Variants in LCT observed in about 807,000 individuals in gnomAD.
LCT encodes lactase/phlorizin hydrolase.
In LCT, 90 loss-of-function variants were observed where a neutral mutation model predicts 173.0. That is an observed-to-expected ratio of 0.52 (90% confidence interval 0.44 to 0.62). The LOEUF (loss-of-function observed/expected upper bound fraction) is 0.62, where lower values mean the gene tolerates loss of function less well. Among genes scored for constraint, LCT ranks in the 20% least tolerant of loss-of-function variants. The probability of loss-of-function intolerance (pLI) is 0.00; values close to 1 mark genes in which losing one functional copy is unlikely to be tolerated. For missense variants in LCT, 1,864 were observed against 2,431.4 expected (o/e 0.77, Z 4.91); for synonymous variants, 853 against 957.6 (o/e 0.89, Z 2.02).
intron 3 of LCT, among the ~76,000 whole-genome samples, chr2:135,824,321 AC>A (rs1243512858): frequency 2.0e-5 from 3 of 152,222 alleles, no homozygotes; most frequent in African/African-American, 7.2e-5. Context: ...AGCCTGTGCT[AC>A]TTAAGAAGCT....
intron 5 of LCT, chr2:135,820,743 T>A (rs1255866838): frequency 6.6e-6 from 1 of 152,202 alleles, no homozygotes; most frequent in Non-Finnish European, 1.5e-5. Context: ...GCATGTAACA[T>A]CCCTCCAGGA....
Position 135,795,213 on chromosome 2 carries a change from ATT to A in LCT, c.4977-440_4977-439del, listed in dbSNP as rs5834447. Among the ~76,000 whole-genome samples the A allele has an allele frequency of 2.9e-4, 43 of 147,518 alleles. No individual in the cohort carries two copies. The South Asian group carries it at 4.9e-3, about 17-fold the overall frequency. The stretch of plus-strand genomic sequence containing the variant: ...TGTTTGTAAAGTTAGATCTTGTATA[ATT>A]TTTTTTTTTTGTGGCTGAGTCTGGC... On this transcript the variant is annotated intron_variant, in intron 13 of 16. Transcript: ENST00000264162.
rs1386804220 is a variant in LCT at position 135,822,269 on chromosome 2, C to T, written c.908-171G>A. ...GACTTTAAAAGCTTAGAAGTGAATT[C>T]TACTTACTTATTACTTAAAAGTGGT... On this transcript the variant is annotated intron_variant, in intron 4 of 16. Coordinates refer to ENST00000264162, the MANE Select transcript of LCT (RefSeq NM_002299.4). 11 of 613,112 alleles carry T rather than the reference C, an allele frequency of 1.8e-5. 2 individuals are homozygous for T. The Middle Eastern group carries it at 2.0e-3, about 114-fold the overall frequency. The allele number at this position is 613,112 out of a possible 1,614,324, so 38.0% of individuals were successfully genotyped here. A position where few individuals can be genotyped will look rare whatever the true frequency, so the allele number is the denominator to read the frequency against.
At chr2:135,834,896 A>G (rs2077973326) in intron 1 of LCT, among the ~76,000 whole-genome samples, 1 of 152,010 alleles carries the variant, frequency 6.6e-6, no homozygotes, top group Non-Finnish European at 1.5e-5. Flanking sequence ...CAGCTGTCAA[A>G]TTAGTAATAA....
intron 11 of LCT, among the ~76,000 whole-genome samples, chr2:135,802,247 T>C (rs993133886): frequency 6.6e-6 from 1 of 152,214 alleles, no homozygotes; most frequent in African/African-American, 2.4e-5. Context: ...AACACAAATT[T>C]ATTCTTATTA....
At chr2:135,828,217 T>G (rs2105553210) in intron 3 of LCT, among the ~76,000 whole-genome samples, 1 of 152,042 alleles carries the variant, frequency 6.6e-6, no homozygotes, top group African/African-American at 2.4e-5. Flanking sequence ...TAGAGATGGG[T>G]TTTTGCCATG....
At chr2:135,806,477 C>T (rs2077676168) in intron 9 of LCT, among the ~76,000 whole-genome samples, 2 of 152,182 alleles carry the variant, frequency 1.3e-5, no homozygotes, top group South Asian at 4.1e-4. Flanking sequence ...AATGCCTAGG[C>T]CTTCCCATTC....
At chr2:135,821,955 G>A (rs1231854392) in intron 5 of LCT, 65 bp downstream of exon 5, 1 of 975,770 alleles carries the variant, frequency 1.0e-6, no homozygotes, top group Non-Finnish European at 1.7e-6. Context: ...GATTATACAT[G>A]TAAAAGAAAC....
Position 135,809,497 on chromosome 2 carries a change from G to A in LCT, c.2850C>T (p.Asp950=), listed in dbSNP as rs750789153. 6.2e-7 allele frequency: 1 copy of A among 1,614,250 alleles called. No homozygotes were observed. Among genetic ancestry groups the A allele is most frequent in the South Asian group, 1.1e-5 (1 of 91,088 alleles). ...GCTGGTGATAGCTGTCACAGGCGATGTCTCCAGTGGCATTGTCTTTCACAT... is the reference window on the plus strand; with the variant it reads ...GCTGGTGATAGCTGTCACAGGCGATATCTCCAGTGGCATTGTCTTTCACAT... The part of the protein sequence containing the change: ...GSNVKDNATG[D]IACDSYHQLD... Residue 950 remains aspartate (D), a synonymous_variant, in exon 8 of 17, where the codon GAC becomes GAT. Transcript: ENST00000264162. The surrounding 1 kb of genome is among the most constrained non-coding windows in gnomAD (Gnocchi z 5.5).
chr2:135,796,941 AT>A (rs997582132), intron 13 of LCT, among the ~76,000 whole-genome samples: 18,304 of 118,706 alleles, frequency 0.15, 1,295 homozygotes, highest in Middle Eastern at 0.34. Flanking sequence ...TGGGAGCTGG[AT>A]TTTTTTTTTT....
At chr2:135,789,177 ACT>A (rs930404788) in intron 16 of LCT, among the ~76,000 whole-genome samples, 2 of 152,196 alleles carry the variant, frequency 1.3e-5, no homozygotes, top group Non-Finnish European at 2.9e-5. Context: ...AGTGATTTAT[ACT>A]CTTACATTTA....
At position 135,837,049 on chromosome 2, in the gene LCT, G is replaced by A. The variant is rs368148827; in HGVS notation, c.121C>T (p.His41Tyr). The stretch of plus-strand genomic sequence containing the variant: ...TCTCCCAGGAGACCACTCAGGTTGT[G>A]CAGCAAGTCATTGGTTAGAGGACCA... ...TAGPLTNDLLHNLSGLLGDQS... is the reference protein window; with the variant it reads ...TAGPLTNDLLYNLSGLLGDQS... The change falls in exon 1 of 17, where the codon CAC becomes TAC. Residue 41 changes from histidine to tyrosine, a missense_variant. Around this residue, in one of 4 missense-constraint regions of LCT, gnomAD observed 412 missense variants for 462.0 expected, o/e 0.89. Transcript: ENST00000264162. The A allele has an allele frequency of 6.2e-7, 1 of 1,614,078 alleles. No individual in the cohort carries two copies. Among genetic ancestry groups the A allele is most frequent in the East Asian group, 2.2e-5 (1 of 44,870 alleles).
chr2:135,833,305 A>C, intron 1 of LCT, 115 bp from the exon 2 acceptor site: 1 of 800,362 alleles, frequency 1.2e-6, no homozygotes, highest in Non-Finnish European at 2.2e-6. Context: ...AAATGACTTT[A>C]CTCTAGCTGA....
intron 1 of LCT, among the ~76,000 whole-genome samples, chr2:135,836,059 CACAGGCTG>C (rs1341535508): frequency 1.4e-5 from 2 of 145,722 alleles, no homozygotes; most frequent in Non-Finnish European, 3.0e-5. Flanking sequence ...TGCTCTGTCG[CACAGGCTG>C]TAGTACAGTG....
Position 135,800,595 on chromosome 2 carries a change from G to A in LCT, c.4866+12C>T, listed in dbSNP as rs191207394. 3.8e-4 allele frequency: 605 copies of A among 1,607,284 alleles called. 3 individuals are homozygous for A. The African/African-American group carries it at 6.7e-3, about 18-fold the overall frequency. On this transcript the variant is annotated intron_variant, in intron 12 of 16. Transcript: ENST00000264162. ...ACAAGAGTAAGAACAAGCGCCCAGAGGAAAAACAGACCTGAACATATCTCC... is the reference window on the plus strand; with the variant it reads ...ACAAGAGTAAGAACAAGCGCCCAGAAGAAAAACAGACCTGAACATATCTCC...
chr2:135,809,710 C>G lies in LCT; in HGVS notation c.2637G>C (p.Lys879Asn), dbSNP rs143596472. The change falls in exon 8 of 17, where the codon AAG becomes AAC. Residue 879 changes from lysine (K) to asparagine (N), a missense_variant. Lys to Asn is a moderately conservative substitution (Grantham distance 94). Around this residue, in one of 4 missense-constraint regions of LCT, gnomAD observed 755 missense variants for 926.3 expected, o/e 0.82. Coordinates refer to ENST00000264162, the MANE Select transcript of LCT (RefSeq NM_002299.4). The surrounding 1 kb of genome is among the most constrained non-coding windows in gnomAD (Gnocchi z 5.5). ...AFTFPSEVPS[K>N]AKVVWEKFSS... ...AGAACTTTTCCCAAACGACTTTAGC[C>G]TTGGAGGGCACCTCAGATGGAAAAG... 6.2e-7 allele frequency: 1 copy of G among 1,614,272 alleles called. No homozygotes were observed. The highest frequency in any genetic ancestry group is 1.7e-5 in the Admixed American group (1 of 60,034).
chr2:135,794,893 G>C (rs1395059839), intron 13 of LCT, 118 bp from the exon 14 acceptor site: 1 of 1,148,554 alleles, frequency 8.7e-7, no homozygotes, highest in Non-Finnish European at 1.3e-6. Flanking sequence ...CAGTGAGTAG[G>C]GGAAACTGGC....
chr2:135,808,431 A>G lies in LCT; in HGVS notation c.3904+12T>C, dbSNP rs201527705. 1.1e-4 allele frequency: 175 copies of G among 1,595,668 alleles called. 1 individual carries two copies. The East Asian group carries it at 3.5e-3, about 32-fold the overall frequency. ...GGAAGATTTCTTTAAGGGGAACTGA[A>G]CCCTCACACACCTTTCAAAGCCTCA... On this transcript the variant is annotated intron_variant, in intron 8 of 16. Transcript: ENST00000264162.
At chr2:135,820,001 C>T (rs1258717060) in intron 5 of LCT, among the ~76,000 whole-genome samples, 1 of 152,214 alleles carries the variant, frequency 6.6e-6, no homozygotes, top group Non-Finnish European at 1.5e-5. Flanking sequence ...GGCTCCACAC[C>T]CAGGGCTCCT....
Sources: allele counts gnomAD v4.1 joint callset (sites outside exome capture counted in the v4.1 genomes callset), GRCh38; gene constraint gnomAD v4.1.1; regional missense constraint gnomAD v4.1.1; non-coding constraint Gnocchi (gnomAD v3.1); transcripts MANE v1.5; gene names NCBI Gene and HGNC (gene_info 2026-07-23, HGNC 2026-07-21).